RYR3: variants seen among roughly 807,000 people sequenced by gnomAD.
RYR3 encodes brain ryanodine receptor-calcium release channel.
In RYR3, 207 loss-of-function variants were observed where a neutral mutation model predicts 584.3. The ratio of observed to expected loss-of-function variants is 0.35; its 90% CI spans 0.32 to 0.40. The LOEUF is 0.40. RYR3 is among the 10% of genes least tolerant of loss of function. The pLI is 1.00. For synonymous variants in RYR3, 2,416 were observed against 2,248.5 expected (o/e 1.07, Z -2.11); for missense variants, 5,616 against 6,089.2 (o/e 0.92, Z 2.59).
At chr15:33,635,449 T>A (rs910289394) in intron 25 of RYR3, among the ~76,000 whole-genome samples, 165 bp from the exon 26 acceptor site, 3 of 152,362 alleles carry the variant, frequency 2.0e-5, no homozygotes, top group Non-Finnish European at 4.4e-5. Flanking sequence ...ATGGTGATGA[T>A]GATGACGATC....
intron 2 of RYR3, among the ~76,000 whole-genome samples, chr15:33,489,184 T>C (rs2050753988): frequency 6.6e-6 from 1 of 152,184 alleles, no homozygotes; most frequent in Admixed American, 6.5e-5. Flanking sequence ...TTTTCAGACA[T>C]TTACATCGAC....
chr15:33,570,238 G>A (rs944750572), intron 12 of RYR3, among the ~76,000 whole-genome samples: 1 of 152,076 alleles, frequency 6.6e-6, no homozygotes. Flanking sequence ...TCTATTTTGA[G>A]TCTATTTCTG....
intron 67 of RYR3, among the ~76,000 whole-genome samples, chr15:33,795,462 T>G (rs1004795058): frequency 1.1e-4 from 17 of 149,054 alleles, no homozygotes; most frequent in African/African-American, 4.3e-4. Context: ...TGGCATGATC[T>G]TGGCTCACTG....
rs8036738 is a variant in RYR3 at position 33,852,689 on chromosome 15, T to G, written c.13629-356T>G. ...AGTGACTCATTGAATGGAATGCCTG[T>G]GTTTTCTGTAGCATTTTGTTTCTGG... On this transcript the variant is annotated intron_variant, in intron 94 of 103. Coordinates refer to ENST00000634891, the MANE Select transcript of RYR3 (RefSeq NM_001036.6). 4.8e-3 allele frequency: 962 copies of G among 198,886 alleles called. 14 individuals are homozygous for G. Among genetic ancestry groups the G allele is most frequent in the African/African-American group, 0.022 (920 of 42,236 alleles). 12.3% of individuals were successfully genotyped at this position (198,886 alleles called of 1,614,324 possible). A position where few individuals can be genotyped will look rare whatever the true frequency, so the allele number is the denominator to read the frequency against.
At chr15:33,663,964 C>T (rs1389539572) in intron 36 of RYR3, among the ~76,000 whole-genome samples, 3 of 152,162 alleles carry the variant, frequency 2.0e-5, no homozygotes, top group African/African-American at 7.2e-5. Context: ...CGTGGCAGGG[C>T]TTCCTCCCTT....
intron 67 of RYR3, among the ~76,000 whole-genome samples, chr15:33,797,308 G>T (rs142876126): frequency 6.6e-6 from 1 of 152,066 alleles, no homozygotes; most frequent in Non-Finnish European, 1.5e-5. Context: ...GATCAGCTAG[G>T]TATCTACAAG....
chr15:33,361,584 C>T (rs1162356672), intron 1 of RYR3, among the ~76,000 whole-genome samples: 1 of 152,136 alleles, frequency 6.6e-6, no homozygotes, highest in Non-Finnish European at 1.5e-5. Flanking sequence ...GGTACCTGGG[C>T]CTCAGGCAGC....
At chr15:33,330,124 A>C (rs1234945292) in intron 1 of RYR3, among the ~76,000 whole-genome samples, 1 of 152,138 alleles carries the variant, frequency 6.6e-6, no homozygotes, top group African/African-American at 2.4e-5. Flanking sequence ...GCACCATCCT[A>C]ACCAATGAAT....
chr15:33,831,612 C>T (rs968072641), intron 86 of RYR3, among the ~76,000 whole-genome samples: 6 of 152,194 alleles, frequency 3.9e-5, no homozygotes, highest in African/African-American at 1.2e-4. Flanking sequence ...GCAGTCAAAC[C>T]CGCAAGTGTA....
intron 19 of RYR3, among the ~76,000 whole-genome samples, chr15:33,622,052 A>G (rs900278244): frequency 2.6e-5 from 4 of 152,156 alleles, no homozygotes; most frequent in Admixed American, 2.6e-4. Context: ...GGCTGCTTGG[A>G]TCACCTCCGT....
At chr15:33,342,852 G>A (rs1392993799) in intron 1 of RYR3, among the ~76,000 whole-genome samples, 1 of 152,070 alleles carries the variant, frequency 6.6e-6, no homozygotes, top group Non-Finnish European at 1.5e-5. Context: ...AGTTTTATTC[G>A]AACTGTGTCC....
At chr15:33,683,498 C>G (rs1008874836) in intron 38 of RYR3, among the ~76,000 whole-genome samples, 2 of 152,094 alleles carry the variant, frequency 1.3e-5, no homozygotes, top group African/African-American at 4.8e-5. Flanking sequence ...AAAATCCTAC[C>G]AAAATTGGGG....
intron 43 of RYR3, among the ~76,000 whole-genome samples, chr15:33,712,849 T>A (rs1226349211): frequency 4.6e-5 from 7 of 152,168 alleles, no homozygotes; most frequent in African/African-American, 1.7e-4. Flanking sequence ...ACCTCAGTGC[T>A]TTTTTATGTG....
chr15:33,846,362 C>G (rs1313692703), intron 93 of RYR3, among the ~76,000 whole-genome samples: 1 of 152,200 alleles, frequency 6.6e-6, no homozygotes, highest in Non-Finnish European at 1.5e-5. Flanking sequence ...GGCATGAATT[C>G]CAGGAGGCGT....
Position 33,865,314 on chromosome 15 carries a change from ATGTG to A in RYR3, c.*89_*92del. 1 of 879,494 alleles carries A rather than the reference ATGTG, an allele frequency of 1.1e-6. No homozygotes were observed. The highest frequency in any genetic ancestry group is 1.8e-6 in the Non-Finnish European group (1 of 564,990). The allele number at this position is 879,494 out of a possible 1,614,324, so 54.5% of individuals were successfully genotyped here. ...TTTACAGTTCTGCAACATATCTGAA[ATGTG>A]ACATTTTCTAAATGCCTCCCTTAAA... On this transcript the variant is annotated 3_prime_UTR_variant, in exon 104 of 104. Coordinates refer to ENST00000634891, the MANE Select transcript of RYR3 (RefSeq NM_001036.6).
At chr15:33,742,234 C>T (rs1233321339) in intron 51 of RYR3, 132 bp from the exon 52 acceptor site, 5 of 679,214 alleles carry the variant, frequency 7.4e-6, no homozygotes, top group Admixed American at 2.1e-5. Flanking sequence ...TGGAGTCCAG[C>T]TTTAGCTTTG....
chr15:33,530,938 A>T (rs2054813076), intron 4 of RYR3, among the ~76,000 whole-genome samples: 1 of 151,992 alleles, frequency 6.6e-6, no homozygotes, highest in African/African-American at 2.4e-5. Flanking sequence ...TAGACCTATA[A>T]CCCCACCAAA....
intron 1 of RYR3, among the ~76,000 whole-genome samples, chr15:33,411,968 C>A (rs1357294221): frequency 6.6e-6 from 1 of 152,134 alleles, no homozygotes; most frequent in South Asian, 2.1e-4. Flanking sequence ...ACCAAGTTAA[C>A]CCCCAAGAAA....
intron 1 of RYR3, among the ~76,000 whole-genome samples, chr15:33,341,468 T>C (rs1971812482): frequency 6.6e-6 from 1 of 152,248 alleles, no homozygotes; most frequent in Non-Finnish European, 1.5e-5. Context: ...CTTATCATTC[T>C]AATATTAAAT....
Sources: gnomAD v4.1 joint callset for allele counts (sites outside exome capture counted in the v4.1 genomes callset) on GRCh38, gnomAD v4.1.1 for gene constraint, MANE v1.5 for transcripts, NCBI Gene and HGNC (gene_info 2026-07-23, HGNC 2026-07-21) for gene names.